The following INTS7 variants were observed in gnomAD, a reference collection of about 807,000 sequenced individuals.
INTS7 encodes the protein integrator complex subunit 7.
In INTS7, 46 loss-of-function variants were observed where a neutral mutation model predicts 109.2. The ratio of observed to expected loss-of-function variants is 0.42; its 90% CI spans 0.33 to 0.54. INTS7 has a LOEUF of 0.54. INTS7 is among the 20% of genes least tolerant of loss of function. INTS7 has a pLI of 0.07. For synonymous variants in INTS7, 412 were observed against 402.9 expected (o/e 1.02, Z -0.27); for missense variants, 929 against 1,132.4 (o/e 0.82, Z 2.58).
intron 8 of INTS7, among the ~76,000 whole-genome samples, chr1:211,987,533 A>G (rs1044055901): frequency 2.0e-5 from 3 of 152,182 alleles, no homozygotes; most frequent in African/African-American, 7.2e-5. Context: ...TTTAAAACTC[A>G]CTACTACTTG....
rs775834561 is a variant in INTS7 at position 212,007,381 on chromosome 1, T to C, written c.625A>G (p.Ile209Val). Residue 209 changes from isoleucine to valine, a missense_variant, in exon 6 of 20, where the codon ATC becomes GTC. Physicochemically the swap from Ile to Val is conservative, Grantham distance 29 (BLOSUM62 3). Transcript: ENST00000366994. ...AGCTGACGAGCACTGGAAGCCAAGA[T>C]TGCATCATGGTGCATGTGCTGTAGA... The part of the protein sequence containing the change: ...PILQHMHHDA[I>V]LASSARQLLQ... 4 of 1,614,058 alleles carry C rather than the reference T, an allele frequency of 2.5e-6. No homozygotes were observed. The highest frequency in any genetic ancestry group is 1.1e-5 in the South Asian group (1 of 91,088).
chr1:212,000,198 A>C (rs1665603515), intron 7 of INTS7, among the ~76,000 whole-genome samples: 1 of 152,216 alleles, frequency 6.6e-6, no homozygotes, highest in Admixed American at 6.5e-5. Flanking sequence ...CAAAGCTATT[A>C]GAAGTTATAA....
chr1:211,988,389 T>C (rs1664992229), intron 7 of INTS7, among the ~76,000 whole-genome samples: 1 of 149,334 alleles, frequency 6.7e-6, no homozygotes, highest in Non-Finnish European at 1.5e-5. Flanking sequence ...GCCACTGCAC[T>C]CCAGCCTGGG....
rs1252396042 is a variant in INTS7, at chr1:212,020,997, T to C, written c.224+86A>G. ...ATGGTAACTAACCAGGTGGAAGTAC[T>C]AAAAGGCAAAAAGAAAAAGACCACA... On this transcript the variant is annotated intron_variant, in intron 2 of 19. Coordinates refer to ENST00000366994, the MANE Select transcript of INTS7 (RefSeq NM_015434.4). 14 of 1,294,116 alleles carry C rather than the reference T, an allele frequency of 1.1e-5. 1 individual carries two copies. The South Asian group carries it at 1.8e-4, about 17-fold the overall frequency. The allele number at this position is 1,294,116 out of a possible 1,614,324, so 80.2% of individuals were successfully genotyped here.
intron 7 of INTS7, among the ~76,000 whole-genome samples, chr1:211,992,974 C>T (rs1665209529): frequency 6.6e-6 from 1 of 152,226 alleles, no homozygotes; most frequent in African/African-American, 2.4e-5. Flanking sequence ...TAACTCACTA[C>T]TCAACTAGAG....
chr1:211,972,785 T>C (rs1664240712), intron 13 of INTS7, among the ~76,000 whole-genome samples: 1 of 152,148 alleles, frequency 6.6e-6, no homozygotes. Flanking sequence ...AAGAACCAGG[T>C]TCCACAAGTT....
chr1:211,973,730 G>A (rs1448523974), intron 13 of INTS7, among the ~76,000 whole-genome samples: 1 of 152,110 alleles, frequency 6.6e-6, no homozygotes, highest in African/African-American at 2.4e-5. Context: ...CAACTCTGAG[G>A]ATCATACTGC....
intron 13 of INTS7, among the ~76,000 whole-genome samples, chr1:211,971,578 C>T (rs931096260): frequency 1.3e-5 from 2 of 152,016 alleles, no homozygotes; most frequent in African/African-American, 4.8e-5. Flanking sequence ...AAACAAGCAA[C>T]ATAAAACAGA....
intron 10 of INTS7, among the ~76,000 whole-genome samples, 167 bp from the exon 11 acceptor site, chr1:211,978,678 T>C (rs755783247): frequency 6.6e-6 from 1 of 151,974 alleles, no homozygotes; most frequent in African/African-American, 2.4e-5. Context: ...ACATTAGGGT[T>C]TGTGAAGTGC....
At chr1:212,033,765 G>A (rs1402818411) in intron 1 of INTS7, among the ~76,000 whole-genome samples, 68 of 152,104 alleles carry the variant, frequency 4.5e-4, no homozygotes, top group Admixed American at 4.3e-3. Flanking sequence ...AAATGTATCA[G>A]AATGAGGAGG....
intron 1 of INTS7, among the ~76,000 whole-genome samples, chr1:212,033,995 AC>A (rs1037456475): frequency 6.6e-6 from 1 of 151,968 alleles, no homozygotes; most frequent in African/African-American, 2.4e-5. Context: ...AGGCAGGAGA[AC>A]CGTTTGAACT....
Position 212,007,318 on chromosome 1 carries a change from T to C in INTS7, c.688A>G (p.Met230Val). The change falls in exon 6 of 20, where the codon ATG becomes GTG. Residue 230 changes from methionine (M) to valine (V), a missense_variant. Transcript: ENST00000366994. ...QLVTSYPSTK[M>V]VIVSLHTFTL... Reference sequence around the variant, plus strand: ...AAAGTGTGCAAAGACACAATCACCATTTTGGTGGACGGATAGGATGTGACC... The same window carrying C: ...AAAGTGTGCAAAGACACAATCACCACTTTGGTGGACGGATAGGATGTGACC... The C allele has an allele frequency of 6.2e-7, 1 of 1,613,902 alleles. No individual in the cohort carries two copies. Among genetic ancestry groups the C allele is most frequent in the Non-Finnish European group, 8.5e-7 (1 of 1,179,848 alleles).
intron 4 of INTS7, among the ~76,000 whole-genome samples, chr1:212,012,317 T>C (rs1308438261): frequency 6.6e-6 from 1 of 152,178 alleles, no homozygotes; most frequent in Non-Finnish European, 1.5e-5. Flanking sequence ...AGGTCTTATT[T>C]GGCTTGGCTT....
intron 16 of INTS7, among the ~76,000 whole-genome samples, chr1:211,964,496 G>T (rs559959867): frequency 1.3e-5 from 2 of 152,266 alleles, no homozygotes; most frequent in South Asian, 4.1e-4. Flanking sequence ...GAACCAAAAA[G>T]AGCCCAAACA....
intron 16 of INTS7, among the ~76,000 whole-genome samples, chr1:211,962,473 G>A (rs980110775): frequency 6.6e-6 from 1 of 151,980 alleles, no homozygotes; most frequent in Non-Finnish European, 1.5e-5. Context: ...AGATCACTGA[G>A]GCAGAAAATT....
intron 13 of INTS7, among the ~76,000 whole-genome samples, chr1:211,970,288 C>G (rs992387681): frequency 4.6e-5 from 7 of 152,122 alleles, no homozygotes; most frequent in African/African-American, 1.7e-4. Context: ...CTAAGAAAAC[C>G]TTTAACTATT....
chr1:212,022,126 C>A (rs1436921574), intron 1 of INTS7, among the ~76,000 whole-genome samples: 1 of 152,104 alleles, frequency 6.6e-6, no homozygotes, highest in East Asian at 1.9e-4. Flanking sequence ...CAAGAATCAA[C>A]CTCCACCCTT....
At chr1:212,020,945 G>T in intron 2 of INTS7, 138 bp downstream of exon 2, 1 of 769,280 alleles carries the variant, frequency 1.3e-6, no homozygotes, top group Non-Finnish European at 2.0e-6. Context: ...ACACTGATGT[G>T]CTGCACACAG....
chr1:211,946,719 G>T lies in INTS7; in HGVS notation c.2317-14C>A, dbSNP rs1263957521. 3.2e-6 allele frequency: 5 copies of T among 1,566,620 alleles called. No individual in the cohort carries two copies. In the East Asian group the frequency reaches 6.7e-5, roughly 21 times the overall value. On this transcript the variant is annotated splice_polypyrimidine_tract_variant and intron_variant, in intron 17 of 19. Coordinates refer to ENST00000366994, the MANE Select transcript of INTS7 (RefSeq NM_015434.4). The surrounding 1 kb of genome is among the most constrained non-coding windows in gnomAD (Gnocchi z 4.3). ...GCATGCTGTGTGCTGGGGGAAAAAAGAAACTAAATCAAATAAAAATAAATT... is the reference window on the plus strand; with the variant it reads ...GCATGCTGTGTGCTGGGGGAAAAAATAAACTAAATCAAATAAAAATAAATT...
Sources: gnomAD v4.1 joint callset for allele counts (sites outside exome capture counted in the v4.1 genomes callset) on GRCh38, gnomAD v4.1.1 for gene constraint, Gnocchi (gnomAD v3.1) non-coding constraint, MANE v1.5 for transcripts, NCBI Gene and HGNC (gene_info 2026-07-23, HGNC 2026-07-21) for gene names.